The following DLGAP2 variants were observed in gnomAD, a reference collection of about 807,000 sequenced individuals.
DLGAP2 encodes the protein DLG associated protein 2, also known as disks large-associated protein 2.
In DLGAP2, 26 loss-of-function variants were observed where a neutral mutation model predicts 100.3. The observed-to-expected ratio is 0.26, with a 90% confidence interval of 0.19 to 0.36. The LOEUF (loss-of-function observed/expected upper bound fraction) is 0.36, where lower values mean the gene tolerates loss of function less well. Ranked by LOEUF, DLGAP2 falls within the 10% of genes least tolerant of loss-of-function variation. The pLI is 1.00. For synonymous variants in DLGAP2, 886 were observed against 630.1 expected (o/e 1.41, Z -6.08); for missense variants, 1,858 against 1,453.2 (o/e 1.28, Z -4.53).
chr8:1,309,616 G>T (rs899728581), intron 3 of DLGAP2, among the ~76,000 whole-genome samples: 4 of 152,192 alleles, frequency 2.6e-5, no homozygotes, highest in Admixed American at 6.5e-5. Flanking sequence ...AAGGACAGCG[G>T]CATTAGCTCA....
chr8:1,258,111 C>T (rs1799267578), intron 2 of DLGAP2, among the ~76,000 whole-genome samples: 1 of 152,202 alleles, frequency 6.6e-6, no homozygotes, highest in Non-Finnish European at 1.5e-5. Flanking sequence ...CAGGGACCTA[C>T]ATACAGGGGA....
At position 1,480,989 on chromosome 8, in the gene DLGAP2, G is replaced by A. The variant is rs768669786; in HGVS notation, c.107-20377G>A. 1.5e-3 allele frequency among the ~76,000 whole-genome samples: 224 copies of A among 152,106 alleles called. 2 individuals are homozygous for A. Among genetic ancestry groups the A allele is most frequent in the Non-Finnish European group, 2.6e-3 (178 of 68,016 alleles). On this transcript the variant is annotated intron_variant, in intron 3 of 14. Transcript: ENST00000637795. The stretch of plus-strand genomic sequence containing the variant: ...AGATCGAGACCATCCTGGCTAACAT[G>A]GTGAAACCCCATCTCTACTAAAAAT...
chr8:1,266,821 C>A (rs561922057), intron 3 of DLGAP2, among the ~76,000 whole-genome samples: 1 of 152,064 alleles, frequency 6.6e-6, no homozygotes, highest in Admixed American at 6.6e-5. Context: ...GGAATACATG[C>A]CCTCTCCCCA....
intron 8 of DLGAP2, 97 bp downstream of exon 8, chr8:1,633,143 AT>A: frequency 8.6e-7 from 1 of 1,167,098 alleles, no homozygotes; most frequent in Middle Eastern, 2.0e-4. Flanking sequence ...CCACAGTACA[AT>A]GTACTCTCCT....
chr8:889,580 C>T (rs1797992701), intron 1 of DLGAP2, among the ~76,000 whole-genome samples: 2 of 152,210 alleles, frequency 1.3e-5, no homozygotes, highest in Admixed American at 6.5e-5. Flanking sequence ...CAGACGGCCA[C>T]AGGGTGTGTT....
intron 4 of DLGAP2, 135 bp downstream of exon 4, chr8:1,501,566 A>C: frequency 1.2e-6 from 1 of 855,726 alleles, no homozygotes; most frequent in Non-Finnish European, 1.8e-6. Context: ...AGAACTAAGT[A>C]CAATGCGGCA....
Position 1,219,657 on chromosome 8 carries a change from C to A in DLGAP2, c.74-39194C>A, listed in dbSNP as rs753321627. On this transcript the variant is annotated intron_variant, in intron 2 of 14. Coordinates refer to ENST00000637795, the MANE Select transcript of DLGAP2 (RefSeq NM_001346810.2). ...AATGAGTTAGGGAGAAGTCCCTCCT[C>A]CTTGATTTTTTGGAATAGTTTTGTT... Among the ~76,000 whole-genome samples the A allele has an allele frequency of 2.0e-5, 3 of 152,102 alleles. No individual in the cohort carries two copies. In the East Asian group the frequency reaches 5.8e-4, roughly 29 times the overall value.
intron 3 of DLGAP2, among the ~76,000 whole-genome samples, chr8:1,455,864 C>T (rs1584921941): frequency 2.0e-5 from 3 of 152,294 alleles, no homozygotes; most frequent in Non-Finnish European, 2.9e-5. Context: ...GGACGGCAGG[C>T]GGTCGGTCTG....
At chr8:1,437,060 C>T (rs1017284129) in intron 3 of DLGAP2, among the ~76,000 whole-genome samples, 3 of 151,706 alleles carry the variant, frequency 2.0e-5, no homozygotes, top group Non-Finnish European at 2.9e-5. Flanking sequence ...TGACGCCATC[C>T]GGGTCTGCGT....
chr8:826,695 T>C (rs1220626742), intron 1 of DLGAP2, among the ~76,000 whole-genome samples: 1 of 152,172 alleles, frequency 6.6e-6, no homozygotes, highest in Non-Finnish European at 1.5e-5. Context: ...TCTGCCCGTC[T>C]GTGCTTCACT....
At chr8:1,691,691 T>G (rs1490831264) in intron 13 of DLGAP2, 65 bp downstream of exon 13, 30 of 1,330,716 alleles carry the variant, frequency 2.3e-5, no homozygotes, top group Non-Finnish European at 2.3e-5. Flanking sequence ...TTCCACAGAT[T>G]CTCATTGTTT....
intron 4 of DLGAP2, among the ~76,000 whole-genome samples, chr8:1,513,655 C>G (rs1800257679): frequency 6.6e-6 from 1 of 152,214 alleles, no homozygotes; most frequent in East Asian, 1.9e-4. Flanking sequence ...TATGTAAGCT[C>G]GTTGGGAACT....
At chr8:1,359,515 A>G (rs569117789) in intron 3 of DLGAP2, among the ~76,000 whole-genome samples, 15 of 152,358 alleles carry the variant, frequency 9.8e-5, no homozygotes, top group African/African-American at 3.4e-4. Flanking sequence ...CGAAGGGGCA[A>G]GCTGGTTCGT....
At position 1,678,532 on chromosome 8, in the gene DLGAP2, G is replaced by C. The variant is rs374343486; in HGVS notation, c.2607G>C (p.Ser869=). The C allele has an allele frequency of 1.2e-6, 2 of 1,602,048 alleles. No homozygotes were observed. The highest frequency in any genetic ancestry group is 2.2e-5 in the South Asian group (2 of 89,024). The part of the protein sequence containing the change: ...GRMSPCRRDG[S]WFLKLLHAET... ...TGTCTCCGTGCCGCAGGGATGGCTC[G>C]TGGTTTTTGAAGCTGCTGCACGCAG... Residue 869 remains serine, a synonymous_variant, in exon 12 of 15, where the codon TCG becomes TCC. Coordinates refer to ENST00000637795, the MANE Select transcript of DLGAP2 (RefSeq NM_001346810.2).
chr8:760,827 G>C (rs1453949159), intron 1 of DLGAP2, among the ~76,000 whole-genome samples: 1 of 152,020 alleles, frequency 6.6e-6, no homozygotes, highest in Non-Finnish European at 1.5e-5. Context: ...CCTCCCACTT[G>C]CTCTCCTGTT....
At chr8:786,130 G>C (rs951065580) in intron 1 of DLGAP2, among the ~76,000 whole-genome samples, 7 of 152,200 alleles carry the variant, frequency 4.6e-5, no homozygotes, top group Admixed American at 4.6e-4. Context: ...GCTTAGCTCA[G>C]CTGGGCCGGC....
intron 4 of DLGAP2, among the ~76,000 whole-genome samples, chr8:1,505,574 T>C (rs1312604976): frequency 6.6e-6 from 1 of 152,156 alleles, no homozygotes; most frequent in African/African-American, 2.4e-5. Flanking sequence ...GAAAAGTAAT[T>C]TTATGATGGG....
chr8:855,882 G>A (rs1797266940), intron 1 of DLGAP2, among the ~76,000 whole-genome samples: 1 of 152,078 alleles, frequency 6.6e-6, no homozygotes, highest in African/African-American at 2.4e-5. Flanking sequence ...AGTGAGCTAG[G>A]GATGGGGGAG....
intron 3 of DLGAP2, among the ~76,000 whole-genome samples, chr8:1,355,673 A>G (rs1235209987): frequency 6.6e-6 from 1 of 152,022 alleles, no homozygotes; most frequent in Admixed American, 6.6e-5. Context: ...AAGTACGAGT[A>G]TTTTTTAATG....
Sources: allele counts gnomAD v4.1 joint callset (sites outside exome capture counted in the v4.1 genomes callset), GRCh38; gene constraint gnomAD v4.1.1; transcripts MANE v1.5; gene names NCBI Gene and HGNC (gene_info 2026-07-23, HGNC 2026-07-21).